SHOC1: variants seen among roughly 807,000 people sequenced by gnomAD.
SHOC1 encodes the protein shortage in chiasmata 1.
A neutral mutation model predicts 179.2 loss-of-function variants in SHOC1; 136 were observed. That is an observed-to-expected ratio of 0.76 (90% confidence interval 0.66 to 0.87). The LOEUF is 0.87. Ranked by LOEUF, SHOC1 falls within the 40% of genes least tolerant of loss-of-function variation. The pLI, the probability that SHOC1 is intolerant of heterozygous loss-of-function variation, is 0.00. For synonymous variants in SHOC1, 489 were observed against 586.6 expected, an observed-to-expected ratio of 0.83 and a Z score of 2.41; for missense variants, 1,538 against 1,700.8, an observed-to-expected ratio of 0.90 and a Z score of 1.68.
At chr9:111,752,372 A>G (rs1182523794) in intron 8 of SHOC1, among the ~76,000 whole-genome samples, 1 of 152,232 alleles carries the variant, frequency 6.6e-6, no homozygotes, top group Non-Finnish European at 1.5e-5. Context: ...AAGGCTATAT[A>G]AAGATTTCAG....
intron 3 of SHOC1, chr9:111,783,421 C>T (rs1292497620): frequency 6.6e-6 from 1 of 152,248 alleles, no homozygotes; most frequent in Admixed American, 6.5e-5. Flanking sequence ...TCACTATCCT[C>T]ACATAACTTG....
At chr9:111,711,316 A>G (rs964305240) in intron 18 of SHOC1, among the ~76,000 whole-genome samples, 5 of 152,070 alleles carry the variant, frequency 3.3e-5, no homozygotes, top group Non-Finnish European at 5.9e-5. Flanking sequence ...ATGAAGCCCA[A>G]CCTTTCTTAA....
intron 15 of SHOC1, among the ~76,000 whole-genome samples, chr9:111,721,459 C>T (rs959657199): frequency 6.6e-6 from 1 of 152,192 alleles, no homozygotes; most frequent in African/African-American, 2.4e-5. Flanking sequence ...CCTGCCTCAG[C>T]CTCCCAAATA....
chr9:111,781,534 C>T (rs187487010), intron 3 of SHOC1, among the ~76,000 whole-genome samples: 29 of 152,162 alleles, frequency 1.9e-4, no homozygotes, highest in Middle Eastern at 6.8e-3. Context: ...ACCAGCCTGG[C>T]CAACATGGCA....
Position 111,775,985 on chromosome 9 carries a change from T to G in SHOC1, c.258-10A>C, listed in dbSNP as rs1181378249. Reference sequence around the variant, plus strand: ...TCTTGTAATTGTTTTTCTGTGACAATATAAAATTACTAATGTTATGTATGT... The same window carrying G: ...TCTTGTAATTGTTTTTCTGTGACAAGATAAAATTACTAATGTTATGTATGT... On this transcript the variant is annotated splice_polypyrimidine_tract_variant and intron_variant, in intron 4 of 27. Coordinates refer to ENST00000682961, the MANE Select transcript of SHOC1 (RefSeq NM_001378211.1). The G allele has an allele frequency of 1.9e-6, 3 of 1,605,774 alleles. No individual in the cohort carries two copies. The South Asian group carries it at 3.3e-5, about 18-fold the overall frequency.
chr9:111,722,584 AT>A lies in SHOC1; in HGVS notation c.1955del (p.Asp652ValfsTer18). On this transcript the variant is annotated frameshift_variant and splice_region_variant, in exon 15 of 28. Coordinates refer to ENST00000682961, the MANE Select transcript of SHOC1 (RefSeq NM_001378211.1). LOFTEE classifies it high-confidence loss of function. Reference protein sequence around the residue: ...TDSVIEIQASDSQCQAFCLLE... With the variant: ...TDSVIEIQASXSQCQAFCLLE... ...GGAGGCAAAATGCTTGGCACTGGCTATCTGCAAAAATAAAAGCATTAATGGC... is the reference window on the plus strand; with the variant it reads ...GGAGGCAAAATGCTTGGCACTGGCTACTGCAAAAATAAAAGCATTAATGGC... 1 of 1,590,994 alleles carries A rather than the reference AT, an allele frequency of 6.3e-7. No individual in the cohort carries two copies. Among genetic ancestry groups the A allele is most frequent in the Non-Finnish European group, 8.5e-7 (1 of 1,174,962 alleles).
Position 111,746,310 on chromosome 9 carries a change from G to C in SHOC1, c.1003C>G (p.Leu335Val). Reference protein sequence around the residue: ...ELEMPLTPLFLTCQHSSVNSL... With the variant: ...ELEMPLTPLFVTCQHSSVNSL... ...TTCACTGAAGAATGTTGGCATGTTA[G>C]GAATAGAGGAGTTAGTGGCATTTCT... Residue 335 changes from leucine to valine, a missense_variant, in exon 10 of 28, where the codon CTA (leucine) becomes GTA (valine). Physicochemically the swap from Leu to Val is conservative, Grantham distance 32. Transcript: ENST00000682961. 1 of 1,611,048 alleles carries C rather than the reference G, an allele frequency of 6.2e-7. No homozygotes were observed. The highest frequency in any genetic ancestry group is 1.3e-5 in the African/African-American group (1 of 74,944).
intron 12 of SHOC1, among the ~76,000 whole-genome samples, chr9:111,734,509 C>T (rs2131467289): frequency 6.6e-6 from 1 of 152,220 alleles, no homozygotes; most frequent in African/African-American, 2.4e-5. Context: ...GTTCTCTTTC[C>T]TAGCCAACCA....
At chr9:111,792,682 G>T (rs1836488454) in intron 1 of SHOC1, among the ~76,000 whole-genome samples, 1 of 152,138 alleles carries the variant, frequency 6.6e-6, no homozygotes, top group South Asian at 2.1e-4. Flanking sequence ...ATTACAATAT[G>T]TTTTCCAATT....
intron 18 of SHOC1, 28 bp downstream of exon 18, chr9:111,713,072 A>G (rs1303267927): frequency 7.5e-7 from 1 of 1,340,404 alleles, no homozygotes; most frequent in Non-Finnish European, 1.1e-6. Flanking sequence ...ATTTGTTATC[A>G]AATGAAGCAT....
intron 5 of SHOC1, among the ~76,000 whole-genome samples, chr9:111,767,488 T>A (rs1835401985): frequency 6.6e-6 from 1 of 152,198 alleles, no homozygotes; most frequent in Admixed American, 6.5e-5. Context: ...CAAAGATGAG[T>A]TAGCTGTAAA....
At chr9:111,722,869 T>C (rs1479200495) in intron 14 of SHOC1, among the ~76,000 whole-genome samples, 1 of 152,170 alleles carries the variant, frequency 6.6e-6, no homozygotes, top group East Asian at 1.9e-4. Flanking sequence ...TGGCGCCATC[T>C]CGGCTCACTG....
At chr9:111,787,010 A>G (rs1454459331) in intron 2 of SHOC1, among the ~76,000 whole-genome samples, 1 of 152,216 alleles carries the variant, frequency 6.6e-6, no homozygotes, top group Non-Finnish European at 1.5e-5. Flanking sequence ...ATGGAATAAC[A>G]AAGCCTGGAT....
chr9:111,731,331 CA>C (rs1403040362), intron 12 of SHOC1, among the ~76,000 whole-genome samples: 1 of 152,214 alleles, frequency 6.6e-6, no homozygotes, highest in Non-Finnish European at 1.5e-5. Context: ...GGTCAGTTCT[CA>C]ACATACCATT....
intron 3 of SHOC1, 89 bp downstream of exon 3, chr9:111,785,823 G>C (rs1589479832): frequency 8.9e-7 from 1 of 1,126,002 alleles, no homozygotes; most frequent in Non-Finnish European, 1.2e-6. Context: ...TTTTTAATTA[G>C]TAAAACATTG....
intron 2 of SHOC1, among the ~76,000 whole-genome samples, chr9:111,786,343 G>A (rs1283225326): frequency 2.0e-5 from 3 of 152,062 alleles, no homozygotes; most frequent in Non-Finnish European, 4.4e-5. Flanking sequence ...GCTGAGGCAG[G>A]AGAATGGTGT....
rs371537761 is a variant in SHOC1 at position 111,787,954 on chromosome 9, A to T, written c.46-1919T>A. Among the ~76,000 whole-genome samples, 5 of 151,824 alleles carry T rather than the reference A, an allele frequency of 3.3e-5. No individual in the cohort carries two copies. The East Asian group carries it at 5.8e-4, about 18-fold the overall frequency. On this transcript the variant is annotated intron_variant, in intron 2 of 27. Coordinates refer to ENST00000682961, the MANE Select transcript of SHOC1 (RefSeq NM_001378211.1). ...TGACTCACTAAAGACTCGGGTAATT[A>T]TTTATTATCATTTTTTAGCAATAAA...
At position 111,693,924 on chromosome 9, in the gene SHOC1, G is replaced by GA; in HGVS notation, c.3339dup (p.Pro1114SerfsTer4). The GA allele has an allele frequency of 4.3e-6, 7 of 1,610,668 alleles. No individual in the cohort carries two copies. The highest frequency in any genetic ancestry group is 5.1e-6 in the Non-Finnish European group (6 of 1,177,824). On this transcript the variant is annotated frameshift_variant, in exon 26 of 28. Coordinates refer to ENST00000682961, the MANE Select transcript of SHOC1 (RefSeq NM_001378211.1). LOFTEE classifies it high-confidence loss of function. ...TGAGCCACCAATGGGTTAATACATG[G>GA]AAAATCAAGTAAGTACATTTCTTCC...
intron 16 of SHOC1, 111 bp from the exon 17 acceptor site, chr9:111,714,734 TTTAA>T (rs762840491): frequency 2.4e-4 from 229 of 951,616 alleles, no homozygotes; most frequent in Non-Finnish European, 3.3e-4. Flanking sequence ...TAAAATTTCC[TTTAA>T]TTGTTTTCTG....
Sources: allele counts gnomAD v4.1 joint callset (sites outside exome capture counted in the v4.1 genomes callset), GRCh38; gene constraint gnomAD v4.1.1; transcripts MANE v1.5; gene names NCBI Gene and HGNC (gene_info 2026-07-23, HGNC 2026-07-21).